The following SERINC5 variants were observed in gnomAD, a reference collection of about 807,000 sequenced individuals.
SERINC5 encodes the protein chromosome 5 open reading frame 12.
Under a neutral mutation model 63.1 loss-of-function variants are expected in SERINC5, and 41 were observed. The ratio of observed to expected loss-of-function variants is 0.65; its 90% CI spans 0.51 to 0.84. The LOEUF (loss-of-function observed/expected upper bound fraction) is 0.84. SERINC5 is among the 40% of genes least tolerant of loss of function. The pLI, the probability that SERINC5 is intolerant of heterozygous loss-of-function variation, is 0.00. For missense variants in SERINC5, 523 were observed against 573.0 expected (o/e 0.91, Z 0.89); for synonymous variants, 222 against 215.2 (o/e 1.03, Z -0.28).
chr5:80,137,139 CAAAAAAAAA>C (rs869035894), downstream of SERINC5, among the ~76,000 whole-genome samples: 4 of 67,742 alleles, frequency 5.9e-5, no homozygotes, highest in South Asian at 7.0e-4. Flanking sequence ...GACCCTGTCT[CAAAAAAAAA>C]AAAAAAAAAA....
chr5:80,193,379 T>C (rs1055148635), intron 2 of SERINC5, among the ~76,000 whole-genome samples: 1 of 152,232 alleles, frequency 6.6e-6, no homozygotes, highest in Non-Finnish European at 1.5e-5. Flanking sequence ...CTGTTCTATT[T>C]ATCTGCAGGC....
downstream of SERINC5, among the ~76,000 whole-genome samples, chr5:80,137,153 A>AAAAAAAAAAAC (rs1448744249): frequency 7.4e-6 from 1 of 134,356 alleles, no homozygotes; most frequent in African/African-American, 2.8e-5. Context: ...AAAAAAAAAA[A>AAAAAAAAAAAC]AAAAAAAAAA....
chr5:80,201,951 A>C (rs1208719437), intron 2 of SERINC5, among the ~76,000 whole-genome samples: 1 of 152,202 alleles, frequency 6.6e-6, no homozygotes, highest in East Asian at 1.9e-4. Flanking sequence ...AAATCCTGGC[A>C]GGCGGCCAGG....
chr5:80,168,156 C>T (rs1231218980), intron 6 of SERINC5, among the ~76,000 whole-genome samples: 2 of 151,624 alleles, frequency 1.3e-5, no homozygotes, highest in Non-Finnish European at 2.9e-5. Flanking sequence ...CAATAATGGT[C>T]TTAAAATTTT....
At chr5:80,217,568 C>T (rs1282202254) in intron 1 of SERINC5, among the ~76,000 whole-genome samples, 3 of 152,184 alleles carry the variant, frequency 2.0e-5, no homozygotes, top group African/African-American at 7.2e-5. Context: ...GGCGAGTGAG[C>T]TCTTCTCCCC....
chr5:80,146,214 C>T lies in SERINC5; in HGVS notation c.1114G>A (p.Gly372Arg). ...GGEDTEEQQPGKEGPRVIYDE... is the reference protein window; with the variant it reads ...GGEDTEEQQPRKEGPRVIYDE... Reference sequence around the variant, plus strand: ...TAAATGACCCGTGGTCCCTCCTTCCCCGGCTGCTGCTCTTCAGTGTCTGTG... The same window carrying T: ...TAAATGACCCGTGGTCCCTCCTTCCTCGGCTGCTGCTCTTCAGTGTCTGTG... Residue 372 changes from glycine (G) to arginine (R), a missense_variant, in exon 11 of 12, where the codon GGG (glycine) becomes AGG (arginine). Physicochemically the swap from Gly to Arg is moderately radical, Grantham distance 125. Transcript: ENST00000507668. 1 of 1,613,986 alleles carries T rather than the reference C, an allele frequency of 6.2e-7. No homozygotes were observed.
chr5:80,187,897 C>G (rs1257358180), intron 2 of SERINC5, among the ~76,000 whole-genome samples: 2 of 152,022 alleles, frequency 1.3e-5, no homozygotes, highest in Admixed American at 6.6e-5. Context: ...TCCCAGAAGA[C>G]TGACTAATTA....
chr5:80,188,568 C>T (rs1748981008), intron 2 of SERINC5, among the ~76,000 whole-genome samples: 1 of 151,970 alleles, frequency 6.6e-6, no homozygotes, highest in African/African-American at 2.4e-5. Flanking sequence ...ACAGATAAAT[C>T]TATTTGCATC....
intron 11 of SERINC5, among the ~76,000 whole-genome samples, chr5:80,123,635 A>G (rs1269154949): frequency 6.6e-6 from 1 of 152,194 alleles, no homozygotes; most frequent in Non-Finnish European, 1.5e-5. Flanking sequence ...CCATCTCACC[A>G]GCCCCCAAAT....
chr5:80,229,049 T>TGGGGGGGG (rs1561441926), intron 1 of SERINC5, among the ~76,000 whole-genome samples: 3 of 32,336 alleles, frequency 9.3e-5, no homozygotes, highest in Admixed American at 3.7e-4. Flanking sequence ...TTTTTTTTTT[T>TGGGGGGGG]TGGGGATGGA....
intron 2 of SERINC5, among the ~76,000 whole-genome samples, chr5:80,198,994 C>T (rs1042699593): frequency 1.3e-5 from 2 of 152,216 alleles, no homozygotes; most frequent in Non-Finnish European, 2.9e-5. Flanking sequence ...CCACTGCCAC[C>T]ACTACCTCTA....
intron 1 of SERINC5, 70 bp downstream of exon 1, chr5:80,255,826 C>G: frequency 2.0e-6 from 3 of 1,509,340 alleles, no homozygotes; most frequent in Middle Eastern, 2.3e-4. Context: ...CCAGGCAGGT[C>G]CTCCACGCCT....
Position 80,177,297 on chromosome 5 carries a change from A to G in SERINC5, c.457+18T>C. The G allele has an allele frequency of 6.3e-7, 1 of 1,579,832 alleles. No individual in the cohort carries two copies. The stretch of plus-strand genomic sequence containing the variant: ...GTAAAAACAAAATAAACAGATACCC[A>G]AAATACCCCATTAGTACCGTTCAGA... On this transcript the variant is annotated intron_variant, in intron 4 of 11. Coordinates refer to ENST00000507668, the MANE Select transcript of SERINC5 (RefSeq NM_001174072.3).
chr5:80,170,479 T>TG (rs1455648851), intron 5 of SERINC5, among the ~76,000 whole-genome samples: 5 of 152,114 alleles, frequency 3.3e-5, no homozygotes, highest in African/African-American at 9.7e-5. Flanking sequence ...TATGGGCAGG[T>TG]GGGGGGAGAC....
At chr5:80,186,971 C>A (rs1313572955) in intron 2 of SERINC5, among the ~76,000 whole-genome samples, 2 of 152,018 alleles carry the variant, frequency 1.3e-5, no homozygotes, top group East Asian at 3.9e-4. Flanking sequence ...GCCTGGCTAA[C>A]ATGGTGAAAC....
chr5:80,252,033 A>G (rs1270142325), intron 1 of SERINC5, among the ~76,000 whole-genome samples: 1 of 149,078 alleles, frequency 6.7e-6, no homozygotes, highest in African/African-American at 2.5e-5. Flanking sequence ...TCTGACAGTG[A>G]GCACTGTCAT....
intron 1 of SERINC5, among the ~76,000 whole-genome samples, chr5:80,233,074 G>A (rs1240511413): frequency 6.6e-6 from 1 of 152,104 alleles, no homozygotes; most frequent in Non-Finnish European, 1.5e-5. Context: ...CCACTGAATT[G>A]CACACTTTAA....
intron 2 of SERINC5, among the ~76,000 whole-genome samples, chr5:80,197,206 G>A (rs1203654507): frequency 3.3e-5 from 5 of 151,922 alleles, no homozygotes; most frequent in Admixed American, 6.6e-5. Flanking sequence ...AAAATTAGCC[G>A]GGCATGGTGG....
chr5:80,190,552 G>C (rs943965933), intron 2 of SERINC5, among the ~76,000 whole-genome samples: 11 of 152,162 alleles, frequency 7.2e-5, no homozygotes, highest in Admixed American at 7.2e-4. Flanking sequence ...CTCTAAACTA[G>C]GGGGATACGA....
Sources: allele counts gnomAD v4.1 joint callset (sites outside exome capture counted in the v4.1 genomes callset), GRCh38; gene constraint gnomAD v4.1.1; transcripts MANE v1.5; gene names NCBI Gene and HGNC (gene_info 2026-07-23, HGNC 2026-07-21).